The following TTC7B variants were observed in gnomAD, a reference collection of about 807,000 sequenced individuals.
TTC7B encodes tetratricopeptide repeat protein 7B.
A neutral mutation model predicts 106.8 loss-of-function variants in TTC7B; 28 were observed. The ratio of observed to expected loss-of-function variants is 0.26; its 90% CI spans 0.19 to 0.36. The LOEUF is 0.36. Among genes scored for constraint, TTC7B ranks in the 10% least tolerant of loss-of-function variants. The probability of loss-of-function intolerance (pLI) is 1.00; values close to 1 mark genes in which losing one functional copy is unlikely to be tolerated. For synonymous variants in TTC7B, 405 were observed against 430.6 expected (o/e 0.94, Z 0.74); for missense variants, 862 against 1,076.4 (o/e 0.80, Z 2.79).
In TTC7B at chr14:90,575,945, C is replaced by T. The variant is rs576705221; in HGVS notation, c.2310+2161G>A. 1.2e-4 allele frequency among the ~76,000 whole-genome samples: 18 copies of T among 152,068 alleles called. No individual in the cohort carries two copies. The highest frequency in any genetic ancestry group is 4.3e-4 in the African/African-American group (18 of 41,388). ...GAGCCTAGTAAGGCTCAGTCATTGC[C>T]GATGGACCCAGCAGGCGGGGCTCAC... On this transcript the variant is annotated intron_variant, in intron 19 of 19. Transcript: ENST00000328459. This position sits in a 1 kb window ranked among gnomAD's most constrained non-coding sequence, Gnocchi z 5.2.
At chr14:90,696,544 T>C (rs1465208252) in intron 5 of TTC7B, among the ~76,000 whole-genome samples, 1 of 152,204 alleles carries the variant, frequency 6.6e-6, no homozygotes, top group Non-Finnish European at 1.5e-5. Context: ...GGCTCTCTTC[T>C]TGGACGACAT....
chr14:90,794,829 T>G (rs560763610), intron 1 of TTC7B, among the ~76,000 whole-genome samples: 3 of 152,118 alleles, frequency 2.0e-5, no homozygotes, highest in Non-Finnish European at 1.5e-5. Flanking sequence ...AGGGCAGAGA[T>G]ATTAAAAACA....
At position 90,742,746 on chromosome 14, in the gene TTC7B, G is replaced by C. The variant is rs143376521; in HGVS notation, c.576+2046C>G. Among the ~76,000 whole-genome samples, 297 of 152,286 alleles carry C rather than the reference G, an allele frequency of 2.0e-3. 5 individuals carry two copies. The highest frequency in any genetic ancestry group is 7.0e-3 in the African/African-American group (289 of 41,560). On this transcript the variant is annotated intron_variant, in intron 4 of 19. Transcript: ENST00000328459. This position sits in a 1 kb window ranked among gnomAD's most constrained non-coding sequence, Gnocchi z 4.1. Reference sequence around the variant, plus strand: ...TCTTTTAAATCCTACGACTATACAAGCCTCCTTGATGTTCCTGCTGAAGAA... The same window carrying C: ...TCTTTTAAATCCTACGACTATACAACCCTCCTTGATGTTCCTGCTGAAGAA...
intron 5 of TTC7B, among the ~76,000 whole-genome samples, chr14:90,701,497 T>G (rs141081280): frequency 9.9e-5 from 15 of 151,784 alleles, no homozygotes; most frequent in African/African-American, 2.7e-4. Context: ...GGCCTAAGAA[T>G]GAAAAGTGGC....
At chr14:90,661,429 G>A (rs144946195) in intron 9 of TTC7B, among the ~76,000 whole-genome samples, 85 of 152,274 alleles carry the variant, frequency 5.6e-4, no homozygotes, top group Middle Eastern at 3.4e-3. Flanking sequence ...CGGGAGAGAC[G>A]TAACCCAGGT....
intron 19 of TTC7B, among the ~76,000 whole-genome samples, chr14:90,566,741 G>A (rs531865671): frequency 6.6e-6 from 1 of 152,234 alleles, no homozygotes; most frequent in South Asian, 2.1e-4. Context: ...GGGGCAAAGT[G>A]GTCTAGAGCC....
At chr14:90,801,328 C>T (rs944401569) in intron 1 of TTC7B, among the ~76,000 whole-genome samples, 8 of 151,930 alleles carry the variant, frequency 5.3e-5, no homozygotes, top group African/African-American at 1.7e-4. Context: ...GGAAGGAACG[C>T]GAAACCACTG....
intron 3 of TTC7B, 90 bp downstream of exon 3, chr14:90,780,648 A>AGCCAAGG (rs1891187725): frequency 6.9e-7 from 1 of 1,455,526 alleles, no homozygotes; most frequent in Non-Finnish European, 9.2e-7. Context: ...GTTCATCACC[A>AGCCAAGG]GCCAAGGGCC....
At chr14:90,713,724 A>G (rs1207050853) in intron 5 of TTC7B, among the ~76,000 whole-genome samples, 2 of 152,252 alleles carry the variant, frequency 1.3e-5, no homozygotes, top group East Asian at 3.8e-4. Flanking sequence ...GTTTACAAAA[A>G]GATCAGCCCA....
intron 9 of TTC7B, among the ~76,000 whole-genome samples, chr14:90,659,934 T>A (rs1886116725): frequency 1.3e-5 from 2 of 152,088 alleles, no homozygotes; most frequent in Admixed American, 1.3e-4. Flanking sequence ...GGAACAAATG[T>A]ATCCCTGCTG....
chr14:90,740,458 A>T (rs1040692454), intron 4 of TTC7B, among the ~76,000 whole-genome samples: 3 of 151,926 alleles, frequency 2.0e-5, no homozygotes, highest in Non-Finnish European at 4.4e-5. Flanking sequence ...TCTCCCGAAA[A>T]AGTTACTGCA....
At chr14:90,558,888 G>A (rs1890447247) in intron 19 of TTC7B, among the ~76,000 whole-genome samples, 2 of 152,230 alleles carry the variant, frequency 1.3e-5, no homozygotes, top group African/African-American at 4.8e-5. Context: ...GCCCAGGGCT[G>A]GAGCAGAGGT....
chr14:90,542,963 G>C (rs968976332), intron 19 of TTC7B, among the ~76,000 whole-genome samples: 3 of 152,216 alleles, frequency 2.0e-5, no homozygotes, highest in African/African-American at 7.2e-5. Flanking sequence ...GCCATCAGCA[G>C]TTTCTGTGGT....
chr14:90,593,936 T>C (rs924487750), intron 17 of TTC7B: 4 of 230,684 alleles, frequency 1.7e-5, no homozygotes, highest in Non-Finnish European at 3.3e-5. Context: ...AAAAATCAAA[T>C]AAATGAAGTG....
intron 5 of TTC7B, among the ~76,000 whole-genome samples, chr14:90,711,802 T>A (rs945205471): frequency 1.3e-5 from 2 of 152,132 alleles, no homozygotes; most frequent in African/African-American, 4.8e-5. Context: ...AACTATTTTT[T>A]AACAACCATT....
At chr14:90,680,778 C>A (rs1334584018) in intron 7 of TTC7B, among the ~76,000 whole-genome samples, 3 of 152,048 alleles carry the variant, frequency 2.0e-5, no homozygotes, top group African/African-American at 7.2e-5. Context: ...GTTAAAAGCC[C>A]AAATAACATA....
At position 90,578,362 on chromosome 14, in the gene TTC7B, C is replaced by G; in HGVS notation, c.2108-54G>C. ...TTCCTGGTGCCCCTCTGAGGCCCTGCGAGCAGCCACCACTCTGATGTTCGT... is the reference window on the plus strand; with the variant it reads ...TTCCTGGTGCCCCTCTGAGGCCCTGGGAGCAGCCACCACTCTGATGTTCGT... On this transcript the variant is annotated intron_variant, in intron 18 of 19. Coordinates refer to ENST00000328459, the MANE Select transcript of TTC7B (RefSeq NM_001010854.2). The surrounding 1 kb of genome is among the most constrained non-coding windows in gnomAD (Gnocchi z 4.7). The G allele has an allele frequency of 6.4e-7, 1 of 1,553,978 alleles. No individual in the cohort carries two copies. The highest frequency in any genetic ancestry group is 8.8e-7 in the Non-Finnish European group (1 of 1,139,618).
At chr14:90,783,803 G>A (rs1328926959) in intron 2 of TTC7B, among the ~76,000 whole-genome samples, 2 of 152,060 alleles carry the variant, frequency 1.3e-5, no homozygotes, top group Non-Finnish European at 2.9e-5. Context: ...CAGGTGTGGT[G>A]GCATGCGGCT....
intron 1 of TTC7B, among the ~76,000 whole-genome samples, chr14:90,786,534 A>G (rs1305164253): frequency 6.6e-6 from 1 of 151,928 alleles, no homozygotes; most frequent in Admixed American, 6.6e-5. Flanking sequence ...AGTAGCATGT[A>G]CTCAAATAGG....
Sources: gnomAD v4.1 joint callset for allele counts (sites outside exome capture counted in the v4.1 genomes callset) on GRCh38, gnomAD v4.1.1 for gene constraint, Gnocchi (gnomAD v3.1) non-coding constraint, MANE v1.5 for transcripts, NCBI Gene and HGNC (gene_info 2026-07-23, HGNC 2026-07-21) for gene names.